Variants in ADAMTSL1 observed in about 807,000 individuals in gnomAD.
The protein encoded by ADAMTSL1 is ADAMTS-like protein 1.
ADAMTSL1 carries 126 observed loss-of-function variants against 201.8 expected under a neutral mutation model. The ratio of observed to expected loss-of-function variants is 0.62; its 90% CI spans 0.54 to 0.72. The LOEUF (loss-of-function observed/expected upper bound fraction) is 0.72. Among genes scored for constraint, ADAMTSL1 ranks in the 30% least tolerant of loss-of-function variants. ADAMTSL1 has a pLI of 0.00. For missense variants in ADAMTSL1, 2,679 were observed against 2,277.8 expected (o/e 1.18, Z -3.59); for synonymous variants, 1,121 against 903.4 (o/e 1.24, Z -4.32).
intron 2 of ADAMTSL1, among the ~76,000 whole-genome samples, chr9:18,414,813 C>T (rs973070934): frequency 6.6e-6 from 1 of 152,144 alleles, no homozygotes; most frequent in Admixed American, 6.5e-5. Flanking sequence ...TCAGTACATG[C>T]CTGTTAAAAA....
chr9:18,380,459 T>C (rs903007046), intron 2 of ADAMTSL1, among the ~76,000 whole-genome samples: 1 of 152,222 alleles, frequency 6.6e-6, no homozygotes, highest in African/African-American at 2.4e-5. Context: ...ATAGATACTA[T>C]ACAGCAAATT....
At chr9:18,850,546 C>T (rs1034066625) in intron 23 of ADAMTSL1, among the ~76,000 whole-genome samples, 2 of 152,150 alleles carry the variant, frequency 1.3e-5, no homozygotes, top group African/African-American at 4.8e-5. Flanking sequence ...TGGTTCCAAG[C>T]CAACTTTGTA....
At chr9:18,655,011 G>C (rs1001674004) in intron 7 of ADAMTSL1, among the ~76,000 whole-genome samples, 4 of 152,216 alleles carry the variant, frequency 2.6e-5, no homozygotes, top group Non-Finnish European at 5.9e-5. Context: ...AGGCTGGGGG[G>C]ACCCCTGACT....
chr9:18,697,244 T>C (rs1434089484), intron 13 of ADAMTSL1, among the ~76,000 whole-genome samples: 1 of 152,124 alleles, frequency 6.6e-6, no homozygotes, highest in East Asian at 1.9e-4. Flanking sequence ...CTAGTTCAAA[T>C]GAGAATTTGA....
At chr9:18,048,605 C>A (rs1821780444) in intron 1 of ADAMTSL1, among the ~76,000 whole-genome samples, 1 of 152,150 alleles carries the variant, frequency 6.6e-6, no homozygotes, top group African/African-American at 2.4e-5. Context: ...TCTGTACTAT[C>A]TTGGTAATTT....
At chr9:18,822,729 T>A (rs953805788) in intron 21 of ADAMTSL1, among the ~76,000 whole-genome samples, 4 of 152,220 alleles carry the variant, frequency 2.6e-5, no homozygotes, top group African/African-American at 9.6e-5. Context: ...CTTCACAGGA[T>A]CATTGTTAAA....
intron 1 of ADAMTSL1, among the ~76,000 whole-genome samples, chr9:18,087,972 C>T (rs1397198686): frequency 6.6e-6 from 1 of 151,998 alleles, no homozygotes. Flanking sequence ...AAACAATCAG[C>T]CCTGGAGGTA....
At position 18,087,434 on chromosome 9, in the gene ADAMTSL1, A is replaced by C. The variant is rs911429568; in HGVS notation, c.88-76428A>C. Among the ~76,000 whole-genome samples, 20 of 152,134 alleles carry C rather than the reference A, an allele frequency of 1.3e-4. 1 individual carries two copies. Among genetic ancestry groups the C allele is most frequent in the Non-Finnish European group, 2.9e-5 (2 of 67,980 alleles). ...ATGAGGAATTCTCCTAGGTCACTTA[A>C]AGTGAAATAATATGAAAGTGGTAAG... On this transcript the variant is annotated intron_variant, in intron 1 of 29. Transcript: ENST00000680146.
rs150702487 is a variant in ADAMTSL1 at position 18,412,967 on chromosome 9, T to C, written c.208-91862T>C. On this transcript the variant is annotated intron_variant, in intron 2 of 29. Transcript: ENST00000680146. ...CCAAGAGTGATGTTAGAGATATCTATGTGTGTGTGTTTTCTATACACATTG... is the reference window on the plus strand; with the variant it reads ...CCAAGAGTGATGTTAGAGATATCTACGTGTGTGTGTTTTCTATACACATTG... Among the ~76,000 whole-genome samples the C allele has an allele frequency of 2.0e-3, 303 of 152,268 alleles. 2 individuals are homozygous for C. The highest frequency in any genetic ancestry group is 6.8e-3 in the African/African-American group (283 of 41,546).
At chr9:18,632,754 A>G (rs1312159904) in intron 5 of ADAMTSL1, among the ~76,000 whole-genome samples, 1 of 152,188 alleles carries the variant, frequency 6.6e-6, no homozygotes, top group Non-Finnish European at 1.5e-5. Flanking sequence ...CCTTTTCAGA[A>G]TAATATATAA....
At chr9:18,877,519 G>C (rs1191600670) in intron 23 of ADAMTSL1, among the ~76,000 whole-genome samples, 1 of 152,192 alleles carries the variant, frequency 6.6e-6, no homozygotes, top group African/African-American at 2.4e-5. Flanking sequence ...TAGCCATCCA[G>C]TGGAGCTACT....
chr9:17,931,314 C>G (rs1033136837), intron 1 of ADAMTSL1, among the ~76,000 whole-genome samples: 2 of 152,070 alleles, frequency 1.3e-5, no homozygotes, highest in African/African-American at 4.8e-5. Context: ...CGTTCCTTAG[C>G]AGAAAGAAAG....
chr9:18,165,011 G>A (rs1827570583), intron 2 of ADAMTSL1, among the ~76,000 whole-genome samples: 1 of 151,746 alleles, frequency 6.6e-6, no homozygotes, highest in South Asian at 2.1e-4. Context: ...TCCCAATGGT[G>A]CTATAATACA....
At chr9:18,056,731 G>A (rs1458005304) in intron 1 of ADAMTSL1, among the ~76,000 whole-genome samples, 1 of 152,132 alleles carries the variant, frequency 6.6e-6, no homozygotes, top group Non-Finnish European at 1.5e-5. Flanking sequence ...CCTTCAGGTA[G>A]AACCTCAGTG....
chr9:18,455,263 A>G (rs984349921), intron 2 of ADAMTSL1, among the ~76,000 whole-genome samples: 1 of 152,194 alleles, frequency 6.6e-6, no homozygotes, highest in African/African-American at 2.4e-5. Flanking sequence ...TTTTGTTAAA[A>G]CAGAATAGCG....
At chr9:18,375,553 A>G (rs1837252798) in intron 2 of ADAMTSL1, among the ~76,000 whole-genome samples, 1 of 152,238 alleles carries the variant, frequency 6.6e-6, no homozygotes, top group Non-Finnish European at 1.5e-5. Flanking sequence ...CATATTTAGT[A>G]TGACTCCTCC....
At chr9:18,002,420 A>G (rs1819649580) in intron 1 of ADAMTSL1, among the ~76,000 whole-genome samples, 1 of 152,034 alleles carries the variant, frequency 6.6e-6, no homozygotes. Context: ...AGTTACCTTA[A>G]AGGGCTATGA....
At chr9:18,416,082 G>A (rs1246784174) in intron 2 of ADAMTSL1, among the ~76,000 whole-genome samples, 2 of 151,988 alleles carry the variant, frequency 1.3e-5, no homozygotes, top group African/African-American at 2.4e-5. Context: ...AAATTATGAC[G>A]AATGGGAATA....
intron 1 of ADAMTSL1, among the ~76,000 whole-genome samples, chr9:17,913,483 G>C (rs1046105288): frequency 2.0e-5 from 3 of 151,874 alleles, no homozygotes; most frequent in Non-Finnish European, 4.4e-5. Context: ...TCACTCATGA[G>C]ACACAACATA....
Sources: allele counts gnomAD v4.1 joint callset (sites outside exome capture counted in the v4.1 genomes callset), GRCh38; gene constraint gnomAD v4.1.1; transcripts MANE v1.5; gene names NCBI Gene and HGNC (gene_info 2026-07-23, HGNC 2026-07-21).